The following CLEC16A variants were observed in gnomAD, a reference collection of about 807,000 sequenced individuals.
CLEC16A encodes protein CLEC16A.
Under a neutral mutation model 109.5 loss-of-function variants are expected in CLEC16A, and 51 were observed. That is an observed-to-expected ratio of 0.47 (90% CI 0.37 to 0.59). CLEC16A has a LOEUF of 0.59. Ranked by LOEUF, CLEC16A falls within the 20% of genes least tolerant of loss-of-function variation. The probability of loss-of-function intolerance (pLI) is 0.00; values close to 1 mark genes in which losing one functional copy is unlikely to be tolerated. For missense variants in CLEC16A, 1,339 were observed against 1,394.0 expected (o/e 0.96, Z 0.63); for synonymous variants, 673 against 564.2 (o/e 1.19, Z -2.73).
At chr16:11,130,336 G>A (rs1239290338) in intron 22 of CLEC16A, among the ~76,000 whole-genome samples, 1 of 152,134 alleles carries the variant, frequency 6.6e-6, no homozygotes, top group Non-Finnish European at 1.5e-5. Flanking sequence ...AGTCCCTCTG[G>A]GGCCCTAGAT....
At chr16:11,105,800 C>A (rs1389315248) in intron 19 of CLEC16A, among the ~76,000 whole-genome samples, 1 of 152,230 alleles carries the variant, frequency 6.6e-6, no homozygotes, top group Non-Finnish European at 1.5e-5. Flanking sequence ...ACCCTTCACA[C>A]AGCCACTGCT....
chr16:10,981,280 G>A (rs1567536919), intron 9 of CLEC16A, among the ~76,000 whole-genome samples: 1 of 152,242 alleles, frequency 6.6e-6, no homozygotes. Flanking sequence ...TTGGTGTTTT[G>A]TGTTGTTGGT....
In CLEC16A at chr16:11,071,753, AT is replaced by A. The variant is rs71136611; in HGVS notation, c.2116+10757del. Among the ~76,000 whole-genome samples the A allele has an allele frequency of 7.3e-3, 450 of 61,278 alleles. 1 individual carries two copies. Among genetic ancestry groups the A allele is most frequent in the Middle Eastern group, 0.012 (1 of 82 alleles). 40.2% of individuals were successfully genotyped at this position (61,278 alleles called of 152,430 possible). A position where few individuals can be genotyped will look rare whatever the true frequency, so the allele number is the denominator to read the frequency against. On this transcript the variant is annotated intron_variant, in intron 19 of 23. Coordinates refer to ENST00000409790, the MANE Select transcript of CLEC16A (RefSeq NM_015226.3). ...AGATGTGCACCACCACACCTGGCTG[AT>A]TTTTTTTTTTTTTTTTTTTTTTTTT... is the stretch of plus-strand genomic sequence containing the variant.
intron 22 of CLEC16A, among the ~76,000 whole-genome samples, chr16:11,132,839 A>G (rs2053309894): frequency 6.6e-6 from 1 of 152,094 alleles, no homozygotes; most frequent in African/African-American, 2.4e-5. Flanking sequence ...GTGTGGGCGG[A>G]TGGATGCATT....
chr16:10,960,646 T>A (rs568640665), intron 2 of CLEC16A, among the ~76,000 whole-genome samples: 1 of 152,252 alleles, frequency 6.6e-6, no homozygotes, highest in East Asian at 1.9e-4. Flanking sequence ...CACGTTTTCA[T>A]GATGAGGGGG....
chr16:11,022,056 A>G (rs1485546720), intron 12 of CLEC16A, among the ~76,000 whole-genome samples: 1 of 152,060 alleles, frequency 6.6e-6, no homozygotes, highest in Non-Finnish European at 1.5e-5. Flanking sequence ...CTTAGAGTTG[A>G]TTGAGATTGT....
chr16:11,142,233 C>G (rs957751774), intron 22 of CLEC16A, among the ~76,000 whole-genome samples: 4 of 152,224 alleles, frequency 2.6e-5, no homozygotes, highest in Admixed American at 1.3e-4. Context: ...CCACAGTCTG[C>G]TCAGTCCAGT....
intron 19 of CLEC16A, among the ~76,000 whole-genome samples, chr16:11,082,065 A>G (rs374143745): frequency 1.7e-4 from 26 of 152,200 alleles, no homozygotes; most frequent in East Asian, 7.7e-4. Flanking sequence ...TGTGATGGGA[A>G]AACATTCTGA....
intron 22 of CLEC16A, among the ~76,000 whole-genome samples, chr16:11,129,761 C>A (rs1207837891): frequency 7.5e-6 from 1 of 133,092 alleles, no homozygotes; most frequent in Admixed American, 7.2e-5. Flanking sequence ...TGGCCTGGTT[C>A]CTTTTTTTTT....
chr16:11,077,268 G>A (rs1223915824), intron 19 of CLEC16A, among the ~76,000 whole-genome samples: 1 of 151,928 alleles, frequency 6.6e-6, no homozygotes, highest in Non-Finnish European at 1.5e-5. Context: ...TCAGGAGTTG[G>A]AGACCAATCT....
At chr16:11,159,197 C>A (rs1367653876) in intron 22 of CLEC16A, among the ~76,000 whole-genome samples, 1 of 152,206 alleles carries the variant, frequency 6.6e-6, no homozygotes, top group East Asian at 1.9e-4. Flanking sequence ...CTGATTTGCC[C>A]CAGTCTCTAC....
intron 19 of CLEC16A, among the ~76,000 whole-genome samples, chr16:11,104,499 A>G (rs2051104468): frequency 6.6e-6 from 1 of 152,190 alleles, no homozygotes; most frequent in Admixed American, 6.5e-5. Context: ...AGGAAGGAGA[A>G]TACCCTGGGC....
At position 10,985,209 on chromosome 16, in the gene CLEC16A, A is replaced by AG. The variant is rs1269261298; in HGVS notation, c.1071+2218_1071+2219insG. 2.3e-5 allele frequency among the ~76,000 whole-genome samples: 3 copies of AG among 130,890 alleles called. No homozygotes were observed. The South Asian group carries it at 7.7e-4, about 34-fold the overall frequency. The allele number at this position is 130,890 out of a possible 152,430, so 85.9% of individuals were successfully genotyped here. A position where few individuals can be genotyped will look rare whatever the true frequency, so the allele number is the denominator to read the frequency against. ...CAGAGCAAGACTCCATCTCAAAAAA[A>AG]AAAAAAAAAAAATATATATATATAT... is the stretch of plus-strand genomic sequence containing the variant. On this transcript the variant is annotated intron_variant, in intron 10 of 23. Coordinates refer to ENST00000409790, the MANE Select transcript of CLEC16A (RefSeq NM_015226.3).
intron 22 of CLEC16A, among the ~76,000 whole-genome samples, chr16:11,143,439 C>T (rs2053927607): frequency 6.6e-6 from 1 of 152,196 alleles, no homozygotes; most frequent in Non-Finnish European, 1.5e-5. Flanking sequence ...AGTCCAGTGG[C>T]AGCAGGCTGG....
chr16:11,124,749 G>T (rs11074952), intron 21 of CLEC16A, among the ~76,000 whole-genome samples: 2 of 151,996 alleles, frequency 1.3e-5, no homozygotes, highest in African/African-American at 4.8e-5. Context: ...AGGATTTTAA[G>T]CCTACCTGGG....
chr16:11,156,689 C>T (rs762189854), intron 22 of CLEC16A: 1 of 1,301,010 alleles, frequency 7.7e-7, no homozygotes, highest in South Asian at 1.2e-5. Flanking sequence ...GACGGTAATA[C>T]CAGTGGAAGA....
rs2052796609 is a variant in CLEC16A at position 11,126,120 on chromosome 16, T to C, written c.2615T>C (p.Val872Ala). The C allele has an allele frequency of 1.2e-6, 2 of 1,613,606 alleles. No individual in the cohort carries two copies. Among genetic ancestry groups the C allele is most frequent in the Non-Finnish European group, 1.7e-6 (2 of 1,179,806 alleles). Residue 872 changes from valine (V) to alanine (A), a missense_variant, in exon 22 of 24, where the codon GTG (valine) becomes GCG (alanine). This residue lies in a region of CLEC16A where 1,061 missense variants were observed against 1,006.8 expected (regional missense o/e 1.05). Transcript: ENST00000409790. The stretch of plus-strand genomic sequence containing the variant: ...AGCGACCCCACAGTGCAGCGCTCCG[T>C]GTTTGCATCGGTGGACAAGGTGCCA... ...GSSDPTVQRS[V>A]FASVDKVPGF...
intron 19 of CLEC16A, among the ~76,000 whole-genome samples, chr16:11,070,030 C>T (rs933154751): frequency 7.9e-5 from 12 of 151,820 alleles, no homozygotes; most frequent in Admixed American, 4.6e-4. Context: ...CAGGATGTTA[C>T]CTTCTCTCCC....
chr16:11,075,390 G>A (rs1295249104), intron 19 of CLEC16A, among the ~76,000 whole-genome samples: 1 of 129,660 alleles, frequency 7.7e-6, no homozygotes, highest in African/African-American at 3.1e-5. Context: ...GTGTGTGTGT[G>A]TGTGTGTGTG....
Sources: allele counts gnomAD v4.1 joint callset (sites outside exome capture counted in the v4.1 genomes callset), GRCh38; gene constraint gnomAD v4.1.1; regional missense constraint gnomAD v4.1.1; transcripts MANE v1.5; gene names NCBI Gene and HGNC (gene_info 2026-07-23, HGNC 2026-07-21).